The following EBF2 variants were observed in gnomAD, a reference collection of about 807,000 sequenced individuals.
The protein encoded by EBF2 is EBF transcription factor 2.
EBF2 carries 21 observed loss-of-function variants against 72.8 expected under a neutral mutation model. That is an observed-to-expected ratio of 0.29 (90% CI 0.20 to 0.42). The LOEUF is 0.42. Among genes scored for constraint, EBF2 ranks in the 10% least tolerant of loss-of-function variants. EBF2 has a pLI of 1.00. For missense variants in EBF2, 637 were observed against 731.2 expected (o/e 0.87, Z 1.49); for synonymous variants, 299 against 274.2 (o/e 1.09, Z -0.89).
chr8:26,001,265 CA>C (rs368211980), intron 6 of EBF2, among the ~76,000 whole-genome samples: 1,525 of 150,054 alleles, frequency 0.01, 20 homozygotes, highest in South Asian at 0.028. Flanking sequence ...CTCCTGCCTT[CA>C]AAAAAAAGTT....
chr8:25,923,663 G>T (rs1477283976), intron 6 of EBF2, among the ~76,000 whole-genome samples: 1 of 152,188 alleles, frequency 6.6e-6, no homozygotes, highest in Non-Finnish European at 1.5e-5. Flanking sequence ...GTTAGCCAGG[G>T]TTGTGGGTAC....
intron 6 of EBF2, among the ~76,000 whole-genome samples, chr8:25,962,026 AC>A (rs1376726121): frequency 6.6e-6 from 1 of 152,184 alleles, no homozygotes; most frequent in Non-Finnish European, 1.5e-5. Context: ...CATAAGGAAT[AC>A]ATATTTATTA....
At chr8:25,895,319 T>C (rs2117298904) in intron 7 of EBF2, among the ~76,000 whole-genome samples, 1 of 152,356 alleles carries the variant, frequency 6.6e-6, no homozygotes, top group Non-Finnish European at 1.5e-5. Context: ...TTGCATTTTT[T>C]TCTAAATAAA....
intron 6 of EBF2, among the ~76,000 whole-genome samples, chr8:25,965,546 T>G (rs1035506555): frequency 6.6e-6 from 1 of 152,186 alleles, no homozygotes; most frequent in Non-Finnish European, 1.5e-5. Flanking sequence ...AACGTAAGCA[T>G]GCACTCAGGG....
At chr8:25,871,769 AT>A (rs1317505356) in intron 10 of EBF2, among the ~76,000 whole-genome samples, 1 of 152,216 alleles carries the variant, frequency 6.6e-6, no homozygotes, top group Non-Finnish European at 1.5e-5. Flanking sequence ...ATACCTTGAG[AT>A]TTCATAATAT....
chr8:25,886,650 T>A (rs986845550), intron 10 of EBF2, 105 bp downstream of exon 10: 59 of 1,355,318 alleles, frequency 4.4e-5, no homozygotes, highest in Non-Finnish European at 5.3e-5. Flanking sequence ...TCCACACTAG[T>A]AAAAAGACCT....
intron 13 of EBF2, among the ~76,000 whole-genome samples, chr8:25,859,682 T>C (rs761709948): frequency 4.6e-5 from 7 of 151,752 alleles, no homozygotes; most frequent in Non-Finnish European, 1.0e-4. Flanking sequence ...ATGGGCCTCA[T>C]GTCTACAGAA....
intron 5 of EBF2, among the ~76,000 whole-genome samples, chr8:26,038,437 T>A (rs1311352997): frequency 6.6e-6 from 1 of 152,174 alleles, no homozygotes; most frequent in East Asian, 1.9e-4. Context: ...AATAAAAATG[T>A]CAGTCTTAAC....
chr8:26,006,733 TC>T (rs1358032371), intron 6 of EBF2, among the ~76,000 whole-genome samples: 1 of 152,166 alleles, frequency 6.6e-6, no homozygotes, highest in Non-Finnish European at 1.5e-5. Context: ...CACGGCCAAG[TC>T]CCCATCCCTC....
At chr8:25,947,296 T>C (rs1803786446) in intron 6 of EBF2, among the ~76,000 whole-genome samples, 1 of 152,174 alleles carries the variant, frequency 6.6e-6, no homozygotes, top group Non-Finnish European at 1.5e-5. Flanking sequence ...CATGCTTTCT[T>C]CCCTGCTGAC....
chr8:25,914,350 C>G (rs1436662805), intron 6 of EBF2, among the ~76,000 whole-genome samples: 1 of 152,178 alleles, frequency 6.6e-6, no homozygotes, highest in African/African-American at 2.4e-5. Context: ...GATCCCCCAG[C>G]AGAGTCTACA....
chr8:25,858,773 C>A (rs760709895), intron 13 of EBF2, among the ~76,000 whole-genome samples: 1 of 150,496 alleles, frequency 6.6e-6, no homozygotes, highest in Non-Finnish European at 1.5e-5. Flanking sequence ...GATTCTTCTG[C>A]CTCAGCCTCC....
At chr8:26,003,995 T>C (rs1042396353) in intron 6 of EBF2, among the ~76,000 whole-genome samples, 9 of 152,102 alleles carry the variant, frequency 5.9e-5, no homozygotes, top group Admixed American at 4.6e-4. Flanking sequence ...TTCTGTCTCA[T>C]TAGGAGAGGC....
chr8:26,004,673 C>CAA (rs56848916), intron 6 of EBF2, among the ~76,000 whole-genome samples: 24 of 45,444 alleles, frequency 5.3e-4, no homozygotes, highest in African/African-American at 1.9e-3. Context: ...AGACTGTCTC[C>CAA]AAAAAAAAAA....
intron 6 of EBF2, among the ~76,000 whole-genome samples, chr8:25,942,642 T>G (rs962335253): frequency 6.6e-6 from 1 of 152,180 alleles, no homozygotes; most frequent in East Asian, 1.9e-4. Flanking sequence ...CAACAAAAAC[T>G]GAAAGGCTTG....
chr8:25,955,740 C>G (rs1803934074), intron 6 of EBF2, among the ~76,000 whole-genome samples: 1 of 151,646 alleles, frequency 6.6e-6, no homozygotes, highest in South Asian at 2.1e-4. Context: ...GCACTTGTCC[C>G]TAACTGCAGT....
At chr8:25,914,616 G>A (rs192191651) in intron 6 of EBF2, among the ~76,000 whole-genome samples, 74 of 152,330 alleles carry the variant, frequency 4.9e-4, no homozygotes, top group African/African-American at 1.6e-3. Flanking sequence ...ACTTGGCTTA[G>A]TATTTGAGAT....
chr8:26,015,650 C>A (rs900030380), intron 6 of EBF2, among the ~76,000 whole-genome samples: 4 of 152,196 alleles, frequency 2.6e-5, no homozygotes, highest in African/African-American at 9.7e-5. Context: ...TTTATTAATG[C>A]TCCAGCAATC....
intron 10 of EBF2, among the ~76,000 whole-genome samples, chr8:25,867,665 C>T (rs772740782): frequency 1.3e-5 from 2 of 152,224 alleles, no homozygotes; most frequent in African/African-American, 4.8e-5. Context: ...CAGCTACATG[C>T]TAATCGTCAT....
Sources: allele counts gnomAD v4.1 joint callset (sites outside exome capture counted in the v4.1 genomes callset), GRCh38; gene constraint gnomAD v4.1.1; transcripts MANE v1.5; gene names NCBI Gene and HGNC (gene_info 2026-07-23, HGNC 2026-07-21).